Variants in ARHGEF10 observed in about 807,000 individuals in gnomAD.
ARHGEF10 encodes the protein Rho guanine nucleotide exchange factor (GEF) 10.
Under a neutral mutation model 147.4 loss-of-function variants are expected in ARHGEF10, and 140 were observed. The observed-to-expected ratio is 0.95, with a 90% CI of 0.83 to 1.09. ARHGEF10 has a LOEUF of 1.09. Ranked by LOEUF, ARHGEF10 falls within the 50% of genes least tolerant of loss-of-function variation. The pLI is 0.00. For synonymous variants in ARHGEF10, 902 were observed against 695.8 expected (o/e 1.30, Z -4.67); for missense variants, 2,222 against 1,752.7 (o/e 1.27, Z -4.78).
rs145893322 is a variant in ARHGEF10 at position 1,925,316 on chromosome 8, A to G, written c.2522A>G (p.Glu841Gly). The change falls in exon 22 of 29, where the codon GAA (glutamate) becomes GGA (glycine). Residue 841 changes from glutamate to glycine, a missense_variant. Transcript: ENST00000349830. ...AACCACATGGGCTGGTTCTGTGTGG[A>G]AGACGATGGGAATCACATTAAAAAG... ...EENHMGWFCVEDDGNHIKKEK... is the reference protein window; with the variant it reads ...EENHMGWFCVGDDGNHIKKEK... 12 of 1,614,196 alleles carry G rather than the reference A, an allele frequency of 7.4e-6. No homozygotes were observed. Among genetic ancestry groups the G allele is most frequent in the Middle Eastern group, 1.6e-4 (1 of 6,062 alleles).
chr8:1,884,327 C>T lies in ARHGEF10; in HGVS notation c.1076-1274C>T, dbSNP rs368522479. Among the ~76,000 whole-genome samples, 655 of 150,520 alleles carry T rather than the reference C, an allele frequency of 4.4e-3. 6 individuals carry two copies. Among genetic ancestry groups the T allele is most frequent in the Middle Eastern group, 0.017 (5 of 292 alleles). Reference sequence around the variant, plus strand: ...AGGAGAATGGCGTGAACCCGGGAGGCGGAGCTTGCAGTGAGCCGAGATTGC... The same window carrying T: ...AGGAGAATGGCGTGAACCCGGGAGGTGGAGCTTGCAGTGAGCCGAGATTGC... On this transcript the variant is annotated intron_variant, in intron 10 of 28. Transcript: ENST00000349830.
At chr8:1,916,032 G>A (rs1811738237) in intron 18 of ARHGEF10, among the ~76,000 whole-genome samples, 2 of 152,222 alleles carry the variant, frequency 1.3e-5, no homozygotes, top group Non-Finnish European at 2.9e-5. Flanking sequence ...CCATGGGGAT[G>A]GGCCAGATGA....
At chr8:1,899,482 C>A (rs993049309) in intron 15 of ARHGEF10, among the ~76,000 whole-genome samples, 1 of 152,160 alleles carries the variant, frequency 6.6e-6, no homozygotes, top group Admixed American at 6.5e-5. Flanking sequence ...AGTGTGAAGT[C>A]CCCTTCCATT....
chr8:1,922,784 A>G (rs1294114748), intron 18 of ARHGEF10, among the ~76,000 whole-genome samples, 180 bp from the exon 19 acceptor site: 1 of 152,198 alleles, frequency 6.6e-6, no homozygotes, highest in East Asian at 1.9e-4. Context: ...AATTATTTCC[A>G]AATAAGTGTT....
At chr8:1,938,955 C>A (rs1157237422) in intron 26 of ARHGEF10, among the ~76,000 whole-genome samples, 1 of 149,842 alleles carries the variant, frequency 6.7e-6, no homozygotes, top group Non-Finnish European at 1.5e-5. Flanking sequence ...TCCCCAGAAA[C>A]CCCCGAACAC....
chr8:1,929,413 G>C lies in ARHGEF10; in HGVS notation c.3049G>C (p.Gly1017Arg). Reference sequence around the variant, plus strand: ...GAGCCTGTACGCTGGCCTGGTCAACGGGGCAGTCGCCAGCTACGCCAGAGC... The same window carrying C: ...GAGCCTGTACGCTGGCCTGGTCAACCGGGCAGTCGCCAGCTACGCCAGAGC... ...SQSLYAGLVNGAVASYARAPD... is the reference protein window; with the variant it reads ...SQSLYAGLVNRAVASYARAPD... The change falls in exon 25 of 29, where the codon GGG becomes CGG. Residue 1017 changes from glycine to arginine, a missense_variant. Transcript: ENST00000349830. The C allele has an allele frequency of 6.2e-7, 1 of 1,611,040 alleles. No homozygotes were observed. The highest frequency in any genetic ancestry group is 1.7e-5 in the Admixed American group (1 of 59,882).
chr8:1,931,090 A>G (rs1266229336), intron 25 of ARHGEF10, among the ~76,000 whole-genome samples: 1 of 152,086 alleles, frequency 6.6e-6, no homozygotes, highest in East Asian at 1.9e-4. Flanking sequence ...ACCTGTTGTC[A>G]TAACCTCTGC....
intron 8 of ARHGEF10, among the ~76,000 whole-genome samples, chr8:1,879,058 C>T (rs1807954955): frequency 6.6e-6 from 1 of 152,220 alleles, no homozygotes; most frequent in South Asian, 2.1e-4. Flanking sequence ...CAAAGGGTCA[C>T]ATTTTAAAAA....
intron 27 of ARHGEF10, among the ~76,000 whole-genome samples, chr8:1,951,959 G>A (rs995077494): frequency 3.3e-5 from 5 of 152,280 alleles, no homozygotes; most frequent in African/African-American, 7.2e-5. Flanking sequence ...GCCGTGAGGC[G>A]GGGTCTTGGA....
chr8:1,888,466 G>GTTTGC (rs1808987629), intron 11 of ARHGEF10, among the ~76,000 whole-genome samples: 8 of 141,972 alleles, frequency 5.6e-5, no homozygotes, highest in South Asian at 2.3e-4. Context: ...TGGGGTGAGG[G>GTTTGC]GTATTGAGGA....
intron 28 of ARHGEF10, among the ~76,000 whole-genome samples, chr8:1,954,353 G>C (rs1445792116): frequency 6.6e-6 from 1 of 152,128 alleles, no homozygotes; most frequent in African/African-American, 2.4e-5. Context: ...CTTGGCCTCA[G>C]ATGCTCCAAA....
At chr8:1,888,433 G>T (rs900682119) in intron 11 of ARHGEF10, among the ~76,000 whole-genome samples, 9 of 146,672 alleles carry the variant, frequency 6.1e-5, no homozygotes, top group Middle Eastern at 7.2e-3. Flanking sequence ...ACTGAGTGTG[G>T]AGGGCTGTGA....
chr8:1,865,695 G>A (rs1806541214), intron 5 of ARHGEF10, among the ~76,000 whole-genome samples: 1 of 149,434 alleles, frequency 6.7e-6, no homozygotes, highest in Non-Finnish European at 1.5e-5. Flanking sequence ...CGTCATCGTG[G>A]GGTGCTCTGC....
chr8:1,832,531 G>T (rs1199422188), intron 1 of ARHGEF10, among the ~76,000 whole-genome samples: 1 of 128,548 alleles, frequency 7.8e-6, no homozygotes, highest in Non-Finnish European at 1.6e-5. Flanking sequence ...GAGGTAGAGA[G>T]ACACAGAGGC....
intron 26 of ARHGEF10, among the ~76,000 whole-genome samples, chr8:1,943,437 C>T (rs933439583): frequency 2.6e-5 from 4 of 152,080 alleles, no homozygotes; most frequent in Admixed American, 6.5e-5. Context: ...TCCTCTGTGA[C>T]GCAGGAGGCC....
At chr8:1,885,056 C>A (rs1283300365) in intron 10 of ARHGEF10, among the ~76,000 whole-genome samples, 1 of 152,200 alleles carries the variant, frequency 6.6e-6, no homozygotes, top group African/African-American at 2.4e-5. Context: ...TGAGCCACCC[C>A]ACCCAACTGT....
rs537303940 is a variant in ARHGEF10 at position 1,957,040 on chromosome 8, C to A, written c.3812C>A (p.Ser1271Tyr). ...CTGAGCTTGTCTCACGGCTCCAGCT[C>A]TCTAGAGCACAGATCAGAGGACAGC... ...GSLSLSHGSS[S>Y]LEHRSEDSTI... Residue 1271 changes from serine to tyrosine, a missense_variant, in exon 29 of 29, where the codon TCT becomes TAT. Transcript: ENST00000349830. The A allele has an allele frequency of 1.4e-5, 23 of 1,613,942 alleles. No homozygotes were observed. In the South Asian group the frequency reaches 2.4e-4, roughly 17 times the overall value.
Position 1,860,036 on chromosome 8 carries a change from C to G in ARHGEF10, c.333C>G (p.Ser111Arg). The stretch of plus-strand genomic sequence containing the variant: ...ACCAGCCGCCCACCCCCGTGCCCAG[C>G]GCTGAGGAGGAGAATGTGGGTCTCC... The part of the protein sequence containing the change: ...QEDQPPTPVP[S>R]AEEENVGLHV... Residue 111 changes from serine to arginine, a missense_variant, in exon 4 of 29, where the codon AGC becomes AGG. Transcript: ENST00000349830. 2 of 1,614,144 alleles carry G rather than the reference C, an allele frequency of 1.2e-6. No homozygotes were observed. The highest frequency in any genetic ancestry group is 1.7e-6 in the Non-Finnish European group (2 of 1,180,020).
rs3735868 is a variant in ARHGEF10 at position 1,872,654 on chromosome 8, G to C, written c.679+3404G>C. On this transcript the variant is annotated intron_variant, in intron 7 of 28. Transcript: ENST00000349830. The stretch of plus-strand genomic sequence containing the variant: ...CTCAGCATGTGTTTAAAAAGCACTT[G>C]CTGAGATTCAGTGACCATCCAACAT... Among the ~76,000 whole-genome samples, 879 of 152,304 alleles carry C rather than the reference G, an allele frequency of 5.8e-3. 60 individuals carry two copies. The East Asian group carries it at 0.14, about 25-fold the overall frequency.
Sources: gnomAD v4.1 joint callset for allele counts (sites outside exome capture counted in the v4.1 genomes callset) on GRCh38, gnomAD v4.1.1 for gene constraint, MANE v1.5 for transcripts, NCBI Gene and HGNC (gene_info 2026-07-23, HGNC 2026-07-21) for gene names.